CADM2: variants seen among roughly 807,000 people sequenced by gnomAD.
CADM2 encodes the protein immunoglobulin superfamily member 4D.
CADM2 carries 12 observed loss-of-function variants against 49.8 expected under a neutral mutation model. The observed-to-expected ratio is 0.24, with a 90% CI of 0.15 to 0.39. The LOEUF is 0.39. Among genes scored for constraint, CADM2 ranks in the 10% least tolerant of loss-of-function variants. The pLI, the probability that CADM2 is intolerant of heterozygous loss-of-function variation, is 1.00. For missense variants in CADM2, 378 were observed against 492.3 expected, an observed-to-expected ratio of 0.77 and a Z score of 2.20; for synonymous variants, 214 against 175.4, an observed-to-expected ratio of 1.22 and a Z score of -1.74.
At chr3:85,921,634 C>G (rs1248512085) in intron 6 of CADM2, among the ~76,000 whole-genome samples, 4 of 152,042 alleles carry the variant, frequency 2.6e-5, no homozygotes, top group African/African-American at 9.7e-5. Flanking sequence ...TTTGTCACAA[C>G]TGAAGAACTA....
At chr3:85,633,986 C>T (rs1382557549) in intron 1 of CADM2, among the ~76,000 whole-genome samples, 5 of 151,978 alleles carry the variant, frequency 3.3e-5, no homozygotes, top group South Asian at 2.1e-4. Flanking sequence ...TCTGTGGAAG[C>T]GTATGATCGG....
intron 1 of CADM2, among the ~76,000 whole-genome samples, chr3:85,058,483 C>T (rs929765482): frequency 2.0e-5 from 3 of 151,828 alleles, no homozygotes; most frequent in Non-Finnish European, 2.9e-5. Context: ...TTGCTCTTGT[C>T]GCCCAGGCTA....
intron 3 of CADM2, among the ~76,000 whole-genome samples, chr3:85,833,888 C>T (rs917780556): frequency 6.6e-6 from 1 of 151,518 alleles, no homozygotes; most frequent in Non-Finnish European, 1.5e-5. Context: ...TTTTTTCCAT[C>T]TGTTAAAAAT....
At chr3:85,262,621 T>A (rs1284316801) in intron 1 of CADM2, among the ~76,000 whole-genome samples, 1 of 152,262 alleles carries the variant, frequency 6.6e-6, no homozygotes, top group South Asian at 2.1e-4. Flanking sequence ...AGCAATATTA[T>A]CTGACTTCAA....
chr3:85,714,693 G>T (rs958047327), intron 1 of CADM2, among the ~76,000 whole-genome samples: 1 of 152,072 alleles, frequency 6.6e-6, no homozygotes, highest in African/African-American at 2.4e-5. Context: ...GCCTCCCAAA[G>T]TGCTGGGATT....
At chr3:85,044,804 CTT>C (rs56232557) in intron 1 of CADM2, among the ~76,000 whole-genome samples, 2 of 142,374 alleles carry the variant, frequency 1.4e-5, no homozygotes, top group African/African-American at 2.6e-5. Flanking sequence ...TTTTTCTTTT[CTT>C]TTTTTTTTTT....
At chr3:85,648,377 C>T (rs1041627630) in intron 1 of CADM2, among the ~76,000 whole-genome samples, 33 of 151,966 alleles carry the variant, frequency 2.2e-4, no homozygotes, top group Non-Finnish European at 4.6e-4. Flanking sequence ...ACTTCATTTA[C>T]GTAGCAATTT....
intron 1 of CADM2, among the ~76,000 whole-genome samples, chr3:85,248,198 T>G (rs568439294): frequency 2.6e-5 from 4 of 152,196 alleles, no homozygotes; most frequent in African/African-American, 9.6e-5. Context: ...TGGCATTGCA[T>G]GCAGCACGAT....
intron 2 of CADM2, among the ~76,000 whole-genome samples, chr3:85,772,988 A>C (rs913311849): frequency 6.6e-6 from 1 of 151,348 alleles, no homozygotes. Flanking sequence ...TATATTAGTT[A>C]GGTAAAGCTA....
At chr3:85,256,570 C>G (rs1576223309) in intron 1 of CADM2, among the ~76,000 whole-genome samples, 1 of 152,028 alleles carries the variant, frequency 6.6e-6, no homozygotes, top group East Asian at 1.9e-4. Flanking sequence ...ATTTCTACCC[C>G]CAAATAAATT....
At chr3:86,058,437 T>G (rs886273033) in intron 8 of CADM2, among the ~76,000 whole-genome samples, 9 of 152,138 alleles carry the variant, frequency 5.9e-5, no homozygotes, top group African/African-American at 2.2e-4. Flanking sequence ...CTGACAATGC[T>G]GGGAAATAAG....
In CADM2 at chr3:85,090,301, G is replaced by A. The variant is rs74807862; in HGVS notation, c.61+130633G>A. On this transcript the variant is annotated intron_variant, in intron 1 of 9. Coordinates refer to ENST00000383699, the MANE Select transcript of CADM2 (RefSeq NM_001167675.2). ...TTATGTTAGTATATTTTTCATACCC[G>A]TTTCTCAATTTAGTTATATGTATAC... 5.1e-4 allele frequency among the ~76,000 whole-genome samples: 78 copies of A among 152,052 alleles called. 1 individual carries two copies. The East Asian group carries it at 0.014, about 28-fold the overall frequency.
At chr3:85,207,587 T>C (rs1013746844) in intron 1 of CADM2, among the ~76,000 whole-genome samples, 11 of 152,312 alleles carry the variant, frequency 7.2e-5, no homozygotes, top group African/African-American at 2.6e-4. Context: ...TAAAGTATTC[T>C]AAAACATTCT....
At chr3:85,900,009 C>A (rs1376074316) in intron 5 of CADM2, among the ~76,000 whole-genome samples, 1 of 152,132 alleles carries the variant, frequency 6.6e-6, no homozygotes, top group African/African-American at 2.4e-5. Context: ...AGCTTCATCA[C>A]CTTAACTCAA....
At chr3:85,954,960 T>G (rs1008928628) in intron 7 of CADM2, among the ~76,000 whole-genome samples, 14 of 151,186 alleles carry the variant, frequency 9.3e-5, no homozygotes, top group African/African-American at 2.7e-4. Context: ...TTTAAAAAAC[T>G]CCCTGGTTTT....
intron 1 of CADM2, among the ~76,000 whole-genome samples, chr3:85,354,382 T>C (rs1166974749): frequency 1.4e-5 from 2 of 147,830 alleles, no homozygotes; most frequent in Non-Finnish European, 3.0e-5. Flanking sequence ...AGGGATAGCA[T>C]TAAGAGATAC....
intron 1 of CADM2, among the ~76,000 whole-genome samples, chr3:85,266,283 T>C (rs2043119762): frequency 6.6e-6 from 1 of 151,904 alleles, no homozygotes; most frequent in African/African-American, 2.4e-5. Flanking sequence ...GAAATTGTTT[T>C]AAATTGTAAA....
At chr3:84,988,679 C>A (rs1400046717) in intron 1 of CADM2, among the ~76,000 whole-genome samples, 1 of 152,060 alleles carries the variant, frequency 6.6e-6, no homozygotes, top group East Asian at 1.9e-4. Context: ...TTTAGTAAAA[C>A]TTATGTTTAA....
rs544441771 is a variant in CADM2 at position 85,564,262 on chromosome 3, G to A, written c.62-162260G>A. Among the ~76,000 whole-genome samples the A allele has an allele frequency of 5.3e-5, 8 of 151,950 alleles. No individual in the cohort carries two copies. The South Asian group carries it at 1.0e-3, about 20-fold the overall frequency. Reference sequence around the variant, plus strand: ...ATTTGCTATTTAAACTATTTTAAGTGTACAATTTTGTGGCATTAAGTAACA... The same window carrying A: ...ATTTGCTATTTAAACTATTTTAAGTATACAATTTTGTGGCATTAAGTAACA... On this transcript the variant is annotated intron_variant, in intron 1 of 9. Coordinates refer to ENST00000383699, the MANE Select transcript of CADM2 (RefSeq NM_001167675.2).
Sources: gnomAD v4.1 joint callset for allele counts (sites outside exome capture counted in the v4.1 genomes callset) on GRCh38, gnomAD v4.1.1 for gene constraint, MANE v1.5 for transcripts, NCBI Gene and HGNC (gene_info 2026-07-23, HGNC 2026-07-21) for gene names.